Variants in SGCE observed in about 807,000 individuals in gnomAD.
SGCE encodes epsilon-sarcoglycan.
Under a neutral mutation model 57.8 loss-of-function variants are expected in SGCE, and 26 were observed. The ratio of observed to expected loss-of-function variants is 0.45; its 90% CI spans 0.33 to 0.62. SGCE has a LOEUF of 0.62. SGCE is among the 20% of genes least tolerant of loss of function. SGCE has a pLI of 0.02. For missense variants in SGCE, 468 were observed against 548.6 expected (o/e 0.85, Z 1.47); for synonymous variants, 183 against 189.5 (o/e 0.97, Z 0.28).
chr7:94,593,357 A>G (rs980559819), intron 9 of SGCE, among the ~76,000 whole-genome samples: 7 of 152,006 alleles, frequency 4.6e-5, no homozygotes, highest in Non-Finnish European at 1.0e-4. Flanking sequence ...CTATTCCCCA[A>G]TTATTCATTA....
Position 94,598,961 on chromosome 7 carries a change from A to G in SGCE, c.1067T>C (p.Ile356Thr). 6.2e-7 allele frequency: 1 copy of G among 1,612,520 alleles called. No homozygotes were observed. Among genetic ancestry groups the G allele is most frequent in the Non-Finnish European group, 8.5e-7 (1 of 1,178,714 alleles). The stretch of plus-strand genomic sequence containing the variant: ...AATAGCACTGTGATGGACCAGTTGG[A>G]TGCTAGGTCAAAAAGAAATAAAACA... ...VEKRNMQTPD[I>T]QLVHHSAIQK... Residue 356 changes from isoleucine (I) to threonine (T), a missense_variant and splice_region_variant, in exon 9 of 11, where the codon ATC becomes ACC. Coordinates refer to ENST00000648936, the MANE Select transcript of SGCE (RefSeq NM_003919.3).
At chr7:94,638,352 T>G (rs1056723080) in intron 1 of SGCE, among the ~76,000 whole-genome samples, 3 of 152,142 alleles carry the variant, frequency 2.0e-5, no homozygotes, top group African/African-American at 7.2e-5. Context: ...GGGGTAGAAG[T>G]GTCCAGCTGA....
At chr7:94,636,479 T>C (rs2117020238) in intron 1 of SGCE, among the ~76,000 whole-genome samples, 1 of 152,248 alleles carries the variant, frequency 6.6e-6, no homozygotes, top group East Asian at 1.9e-4. Context: ...AAATTGAACG[T>C]AGAGGGACTA....
intron 10 of SGCE, chr7:94,588,412 A>C: frequency 3.3e-6 from 4 of 1,226,790 alleles, no homozygotes; most frequent in Non-Finnish European, 4.1e-6. Flanking sequence ...AGGGAACTTC[A>C]CTGAAGGAAA....
intron 4 of SGCE, chr7:94,619,229 C>A: frequency 3.4e-6 from 1 of 295,060 alleles, no homozygotes; most frequent in South Asian, 6.2e-5. Flanking sequence ...GGCAAAACAA[C>A]TAAGAAAAGC....
At chr7:94,610,553 A>G (rs1340865275) in intron 5 of SGCE, among the ~76,000 whole-genome samples, 3 of 152,238 alleles carry the variant, frequency 2.0e-5, no homozygotes, top group African/African-American at 7.2e-5. Context: ...TAAAACTATT[A>G]AACTCTGAGA....
intron 1 of SGCE, among the ~76,000 whole-genome samples, chr7:94,638,738 T>A (rs907124124): frequency 6.6e-6 from 1 of 152,116 alleles, no homozygotes; most frequent in Non-Finnish European, 1.5e-5. Context: ...CTTTTCTCCA[T>A]AATGAAATGC....
At chr7:94,642,026 C>T (rs1032936258) in intron 1 of SGCE, among the ~76,000 whole-genome samples, 1 of 151,988 alleles carries the variant, frequency 6.6e-6, no homozygotes, top group African/African-American at 2.4e-5. Context: ...TATATATGTA[C>T]AACTATTACA....
Position 94,590,114 on chromosome 7 carries a change from G to GA in SGCE, c.1254-1383_1254-1382insT, listed in dbSNP as rs1200442581. 3 of 152,174 alleles carry GA rather than the reference G, an allele frequency of 2.0e-5. No homozygotes were observed. In the East Asian group the frequency reaches 5.8e-4, roughly 29 times the overall value. The allele number at this position is 152,174 out of a possible 1,614,324, so 9.4% of individuals were successfully genotyped here. ...CTCACTCCTACATGGAGTGCCCCAT[G>GA]TCTGCTTGAAGCCAACAACCAACTA... On this transcript the variant is annotated intron_variant, in intron 9 of 10. Transcript: ENST00000648936.
chr7:94,605,835 T>G (rs1190320462), intron 5 of SGCE, among the ~76,000 whole-genome samples: 8 of 152,202 alleles, frequency 5.3e-5, no homozygotes, highest in Middle Eastern at 3.4e-3. Context: ...TTATTTTATT[T>G]TATTTTTATT....
chr7:94,587,025 A>G (rs1796999916), intron 10 of SGCE: 2 of 982,904 alleles, frequency 2.0e-6, no homozygotes, highest in Non-Finnish European at 2.4e-6. Flanking sequence ...AATAGGCTCT[A>G]GTGTTAACTA....
chr7:94,627,252 G>A (rs559776542), intron 3 of SGCE: 1 of 152,034 alleles, frequency 6.6e-6, no homozygotes, highest in Admixed American at 6.6e-5. Context: ...CCTCTGAAAG[G>A]CTGTATTCTT....
chr7:94,594,906 C>A (rs1156894545), intron 9 of SGCE, among the ~76,000 whole-genome samples: 1 of 152,090 alleles, frequency 6.6e-6, no homozygotes, highest in Non-Finnish European at 1.5e-5. Flanking sequence ...AAATGAAACA[C>A]CTCATTTCTA....
chr7:94,585,813 T>G (rs1796811432), intron 10 of SGCE, among the ~76,000 whole-genome samples: 2 of 152,044 alleles, frequency 1.3e-5, no homozygotes, highest in African/African-American at 4.8e-5. Flanking sequence ...AACTGCAGGA[T>G]GTATAACTGT....
At chr7:94,631,116 T>G (rs1320578985) in intron 1 of SGCE, among the ~76,000 whole-genome samples, 1 of 151,788 alleles carries the variant, frequency 6.6e-6, no homozygotes, top group Non-Finnish European at 1.5e-5. Flanking sequence ...AAACTAGGTA[T>G]GCAGAGAGAT....
intron 1 of SGCE, among the ~76,000 whole-genome samples, chr7:94,648,376 C>CAAAAAAAAAAAAAAAAAAAAAAAAAA (rs71123907): frequency 1.5e-5 from 1 of 65,080 alleles, no homozygotes; most frequent in Non-Finnish European, 2.8e-5. Flanking sequence ...ACTCTGTCTC[C>CAAAAAAAAAAAAAAAAAAAAAAAAAA]AAAAAAAAAA....
chr7:94,655,345 C>G (rs1808466875), intron 1 of SGCE, among the ~76,000 whole-genome samples: 1 of 152,132 alleles, frequency 6.6e-6, no homozygotes, highest in Non-Finnish European at 1.5e-5. Flanking sequence ...GGCCTCCAGC[C>G]GGGGTTAACC....
intron 3 of SGCE, chr7:94,624,391 A>T (rs1803372226): frequency 2.5e-6 from 1 of 394,076 alleles, no homozygotes; most frequent in East Asian, 3.6e-5. Context: ...TTAGAACAGT[A>T]AGAATTTTGA....
In SGCE at chr7:94,638,584, C is replaced by T. The variant is rs114838480; in HGVS notation, c.110-8743G>A. On this transcript the variant is annotated intron_variant, in intron 1 of 10. Coordinates refer to ENST00000648936, the MANE Select transcript of SGCE (RefSeq NM_003919.3). ...CTCCGAAGTTAGAGAAACTACTATTCTGCTGAGGTTCATGAACACATGTAG... is the reference window on the plus strand; with the variant it reads ...CTCCGAAGTTAGAGAAACTACTATTTTGCTGAGGTTCATGAACACATGTAG... Among the ~76,000 whole-genome samples the T allele has an allele frequency of 9.0e-3, 1,362 of 150,982 alleles. 19 individuals are homozygous for T. The highest frequency in any genetic ancestry group is 0.031 in the African/African-American group (1,289 of 41,012).
Sources: gnomAD v4.1 joint callset for allele counts (sites outside exome capture counted in the v4.1 genomes callset) on GRCh38, gnomAD v4.1.1 for gene constraint, MANE v1.5 for transcripts, NCBI Gene and HGNC (gene_info 2026-07-23, HGNC 2026-07-21) for gene names.